The following BTBD3 variants were observed in gnomAD, a reference collection of about 807,000 sequenced individuals.
The protein encoded by BTBD3 is BTB/POZ domain-containing protein 3.
A neutral mutation model predicts 41.6 loss-of-function variants in BTBD3; 14 were observed. That is an observed-to-expected ratio of 0.34 (90% CI 0.22 to 0.53). The LOEUF (loss-of-function observed/expected upper bound fraction) is 0.53, where lower values mean the gene tolerates loss of function less well. BTBD3 is among the 20% of genes least tolerant of loss of function. BTBD3 has a pLI of 0.95. For synonymous variants in BTBD3, 249 were observed against 233.7 expected (o/e 1.07, Z -0.60); for missense variants, 426 against 654.7 (o/e 0.65, Z 3.81).
At chr20:11,895,530 C>T (rs902324280) in intron 1 of BTBD3, among the ~76,000 whole-genome samples, 1 of 152,100 alleles carries the variant, frequency 6.6e-6, no homozygotes, top group Non-Finnish European at 1.5e-5. Flanking sequence ...AGTGGTCTTC[C>T]AGTAAAGTTT....
rs750975494 is a variant in BTBD3 at position 11,918,465 on chromosome 20, G to A, written c.190G>A (p.Ala64Thr). Reference sequence around the variant, plus strand: ...GAAGACTAAAAAGAAGAAGATGGCTGCTGATATATTCCCCCGTAAAAAGCC... The same window carrying A: ...GAAGACTAAAAAGAAGAAGATGGCTACTGATATATTCCCCCGTAAAAAGCC... ...TLKTKKKKMA[A>T]DIFPRKKPAN... The change falls in exon 1 of 4, where the codon GCT becomes ACT. Residue 64 changes from alanine (A) to threonine (T), a missense_variant. Around this residue, in one of 3 missense-constraint regions of BTBD3, gnomAD observed 53 missense variants for 74.8 expected, o/e 0.71. Coordinates refer to ENST00000378226, the MANE Select transcript of BTBD3 (RefSeq NM_014962.4). 1.2e-6 allele frequency: 2 copies of A among 1,614,146 alleles called. No homozygotes were observed. Among genetic ancestry groups the A allele is most frequent in the East Asian group, 2.2e-5 (1 of 44,884 alleles).
chr20:11,906,574 A>G (rs781724699), intron 1 of BTBD3, among the ~76,000 whole-genome samples: 37 of 152,028 alleles, frequency 2.4e-4, no homozygotes, highest in African/African-American at 2.7e-4. Flanking sequence ...TGTTACTTCA[A>G]TGTTGTAAGG....
At chr20:11,918,918 T>C (rs915496696) in intron 1 of BTBD3, 168 bp from the exon 2 acceptor site, 2 of 585,592 alleles carry the variant, frequency 3.4e-6, no homozygotes, top group Admixed American at 3.5e-5. Context: ...ACTTCCCTTA[T>C]GTTTGCAATG....
At chr20:11,897,534 C>T (rs1481137257) in intron 1 of BTBD3, among the ~76,000 whole-genome samples, 1 of 140,714 alleles carries the variant, frequency 7.1e-6, no homozygotes, top group African/African-American at 2.6e-5. Context: ...CCTGACTCTT[C>T]TCTTTCTCTC....
intron 1 of BTBD3, among the ~76,000 whole-genome samples, chr20:11,898,601 G>A (rs937296026): frequency 4.6e-5 from 7 of 152,082 alleles, no homozygotes; most frequent in Non-Finnish European, 8.8e-5. Flanking sequence ...AATGTGTCCT[G>A]AGTGCCTAGC....
At position 11,909,317 on chromosome 20, in the gene BTBD3, G is replaced by GGTT. The variant is rs756889547; in HGVS notation, c.-125-9016_-125-9014dup. Reference sequence around the variant, plus strand: ...TAGCATAAAATGTATCTTTTAATTTGGTTCTAGAAGAGCTTTTACTGTGAG... The same window carrying GGTT: ...TAGCATAAAATGTATCTTTTAATTTGGTTGTTCTAGAAGAGCTTTTACTGTGAG... On this transcript the variant is annotated intron_variant, in intron 1 of 4. Transcript: ENST00000254977. 13 of 150,130 alleles carry GGTT rather than the reference G, an allele frequency of 8.7e-5. No homozygotes were observed. In the East Asian group the frequency reaches 1.6e-3, roughly 18 times the overall value. The allele number at this position is 150,130 out of a possible 1,614,324, so 9.3% of individuals were successfully genotyped here.
intron 1 of BTBD3, among the ~76,000 whole-genome samples, chr20:11,906,538 A>C (rs1232327920): frequency 6.6e-6 from 1 of 152,090 alleles, no homozygotes; most frequent in Non-Finnish European, 1.5e-5. Context: ...TGCTAGGATT[A>C]CAGGCGTGAG....
At chr20:11,920,305 C>T (rs934455030) in intron 3 of BTBD3, among the ~76,000 whole-genome samples, 1 of 152,140 alleles carries the variant, frequency 6.6e-6, no homozygotes, top group African/African-American at 2.4e-5. Context: ...AACTTACCAT[C>T]TGTTGAAATA....
In BTBD3 at chr20:11,923,224, A is replaced by G; in HGVS notation, c.1127A>G (p.His376Arg). 1 of 1,614,216 alleles carries G rather than the reference A, an allele frequency of 6.2e-7. No homozygotes were observed. Among genetic ancestry groups the G allele is most frequent in the South Asian group, 1.1e-5 (1 of 91,084 alleles). Residue 376 changes from histidine (H) to arginine (R), a missense_variant, in exon 4 of 4, where the codon CAC becomes CGC. Physicochemically the swap from His to Arg is conservative, Grantham distance 29 (BLOSUM62 0). Around this residue, in one of 3 missense-constraint regions of BTBD3, gnomAD observed 321 missense variants for 534.8 expected, o/e 0.60. Coordinates refer to ENST00000378226, the MANE Select transcript of BTBD3 (RefSeq NM_014962.4). This position sits in a 1 kb window ranked among gnomAD's most constrained non-coding sequence, Gnocchi z 5.3. ...ARKGLVPQRC[H>R]RFQSCAYRSN... ...AAGGGCCTTGTCCCCCAGCGCTGTC[A>G]CCGTTTCCAGTCGTGTGCCTATCGA...
chr20:11,915,020 C>G (rs2056909741), upstream of BTBD3, among the ~76,000 whole-genome samples: 2 of 152,110 alleles, frequency 1.3e-5, no homozygotes, highest in Non-Finnish European at 2.9e-5. Context: ...CAAATACTCG[C>G]CTTTCTCTAT....
At chr20:11,894,137 T>C (rs577159069) in intron 1 of BTBD3, among the ~76,000 whole-genome samples, 1 of 152,220 alleles carries the variant, frequency 6.6e-6, no homozygotes, top group Non-Finnish European at 1.5e-5. Flanking sequence ...TCATGGTGCC[T>C]GCACCATAGA....
At chr20:11,905,933 C>T (rs1600233369) in intron 1 of BTBD3, among the ~76,000 whole-genome samples, 1 of 152,218 alleles carries the variant, frequency 6.6e-6, no homozygotes, top group Middle Eastern at 3.4e-3. Context: ...GCTTAAAAGG[C>T]TTCATACTTT....
upstream of BTBD3, among the ~76,000 whole-genome samples, chr20:11,915,154 TA>T (rs2056910318): frequency 6.6e-6 from 1 of 152,204 alleles, no homozygotes; most frequent in Non-Finnish European, 1.5e-5. Context: ...ATCTGCTTCA[TA>T]GTTGACATTT....
At position 11,923,233 on chromosome 20, in the gene BTBD3, A is replaced by C. The variant is rs2056987033; in HGVS notation, c.1136A>C (p.Gln379Pro). Reference sequence around the variant, plus strand: ...GTCCCCCAGCGCTGTCACCGTTTCCAGTCGTGTGCCTATCGAAGCAACCAA... The same window carrying C: ...GTCCCCCAGCGCTGTCACCGTTTCCCGTCGTGTGCCTATCGAAGCAACCAA... Reference protein sequence around the residue: ...GLVPQRCHRFQSCAYRSNQWR... With the variant: ...GLVPQRCHRFPSCAYRSNQWR... Residue 379 changes from glutamine to proline, a missense_variant, in exon 4 of 4, where the codon CAG becomes CCG. Coordinates refer to ENST00000378226, the MANE Select transcript of BTBD3 (RefSeq NM_014962.4). The surrounding 1 kb of genome is among the most constrained non-coding windows in gnomAD (Gnocchi z 5.3). The C allele has an allele frequency of 1.9e-6, 3 of 1,614,240 alleles. No individual in the cohort carries two copies.
upstream of BTBD3, among the ~76,000 whole-genome samples, chr20:11,916,660 T>TACC (rs758928458): frequency 3.3e-5 from 5 of 152,204 alleles, no homozygotes; most frequent in Non-Finnish European, 7.3e-5. Flanking sequence ...ATTATAACAA[T>TACC]AACAATCGTA....
intron 1 of BTBD3, among the ~76,000 whole-genome samples, chr20:11,893,770 A>G (rs1447663516): frequency 6.6e-6 from 1 of 152,140 alleles, no homozygotes; most frequent in East Asian, 1.9e-4. Context: ...CATATCATCT[A>G]AAAAGAAACA....
At chr20:11,919,418 T>C in intron 2 of BTBD3, 1 of 1,407,976 alleles carries the variant, frequency 7.1e-7, no homozygotes. Context: ...GAAGTTGTTG[T>C]GACAGGTCAG....
chr20:11,916,419 G>A (rs1362491783), upstream of BTBD3, among the ~76,000 whole-genome samples: 1 of 152,194 alleles, frequency 6.6e-6, no homozygotes, highest in African/African-American at 2.4e-5. Context: ...GTATCTGTAT[G>A]TGTGTGTTCT....
At chr20:11,894,661 G>A (rs545523051) in intron 1 of BTBD3, among the ~76,000 whole-genome samples, 1 of 151,224 alleles carries the variant, frequency 6.6e-6, no homozygotes, top group East Asian at 1.9e-4. Flanking sequence ...CTTCTCCACA[G>A]GCCATTATTT....
Sources: gnomAD v4.1 joint callset for allele counts (sites outside exome capture counted in the v4.1 genomes callset) on GRCh38, gnomAD v4.1.1 for gene constraint, gnomAD v4.1.1 regional missense constraint, Gnocchi (gnomAD v3.1) non-coding constraint, MANE v1.5 for transcripts, NCBI Gene and HGNC (gene_info 2026-07-23, HGNC 2026-07-21) for gene names.